The following RHOT1 variants were observed in gnomAD, a reference collection of about 807,000 sequenced individuals.
RHOT1 encodes mitochondrial Rho GTPase 1.
Under a neutral mutation model 95.3 loss-of-function variants are expected in RHOT1, and 27 were observed. The ratio of observed to expected loss-of-function variants is 0.28; its 90% CI spans 0.21 to 0.39. The LOEUF is 0.39. Among genes scored for constraint, RHOT1 ranks in the 10% least tolerant of loss-of-function variants. The pLI is 1.00. For synonymous variants in RHOT1, 227 were observed against 263.5 expected (o/e 0.86, Z 1.34); for missense variants, 578 against 786.7 (o/e 0.73, Z 3.17).
At chr17:32,164,124 AAAG>A (rs1418269171) in intron 1 of RHOT1, among the ~76,000 whole-genome samples, 1 of 152,202 alleles carries the variant, frequency 6.6e-6, no homozygotes, top group African/African-American at 2.4e-5. Context: ...CACTGCGCGA[AAAG>A]AATAGTGCCT....
At chr17:32,143,013 T>A (rs1165917821) in intron 1 of RHOT1, 7 of 690,856 alleles carry the variant, frequency 1.0e-5, no homozygotes, top group South Asian at 9.0e-5. Context: ...CTATTAGCCC[T>A]AACCGCCCGA....
At chr17:32,183,025 C>CT in intron 7 of RHOT1, 146 bp from the exon 8 acceptor site, 1 of 744,136 alleles carries the variant, frequency 1.3e-6, no homozygotes, top group Non-Finnish European at 2.1e-6. Flanking sequence ...CCTCTGAACT[C>CT]TTTCTAGACA....
chr17:32,174,387 G>GT (rs1313794567), intron 3 of RHOT1, among the ~76,000 whole-genome samples: 2 of 152,146 alleles, frequency 1.3e-5, no homozygotes, highest in Non-Finnish European at 2.9e-5. Flanking sequence ...AACTATGTAT[G>GT]TGGCTTGCAT....
intron 1 of RHOT1, among the ~76,000 whole-genome samples, chr17:32,155,408 C>T (rs558502509): frequency 6.6e-6 from 1 of 152,048 alleles, no homozygotes; most frequent in South Asian, 2.1e-4. Flanking sequence ...GATCTGCCAG[C>T]CTTGGCCTCC....
In RHOT1 at chr17:32,171,120, A is replaced by G. The variant is rs748929086; in HGVS notation, c.96+19A>G. Reference sequence around the variant, plus strand: ...AGAAGAGGTAAACATTTTGATTTCCATATTTAAATTTTAAAAAATTTATCA... The same window carrying G: ...AGAAGAGGTAAACATTTTGATTTCCGTATTTAAATTTTAAAAAATTTATCA... On this transcript the variant is annotated intron_variant, in intron 2 of 19. Coordinates refer to ENST00000545287, the MANE Select transcript of RHOT1 (RefSeq NM_001033566.3). The G allele has an allele frequency of 9.8e-6, 15 of 1,527,214 alleles. No individual in the cohort carries two copies. Among genetic ancestry groups the G allele is most frequent in the Admixed American group, 1.8e-5 (1 of 54,662 alleles). 94.6% of individuals were successfully genotyped at this position (1,527,214 alleles called of 1,614,324 possible).
intron 12 of RHOT1, 119 bp downstream of exon 12, chr17:32,199,150 C>T: frequency 7.1e-6 from 6 of 847,402 alleles, no homozygotes; most frequent in Non-Finnish European, 1.1e-5. Context: ...TGCTTAACCT[C>T]TCTAAGTTAA....
chr17:32,179,553 C>T (rs560785399), intron 6 of RHOT1: 26 of 140,358 alleles, frequency 1.9e-4, no homozygotes, highest in South Asian at 2.5e-4. Flanking sequence ...CGCCTCTGCC[C>T]GGCCGCCCAT....
intron 1 of RHOT1, among the ~76,000 whole-genome samples, chr17:32,161,053 A>G (rs1598312720): frequency 6.6e-6 from 1 of 152,232 alleles, no homozygotes. Flanking sequence ...TGCTACACAG[A>G]CAGACCAATT....
At chr17:32,188,082 T>G (rs974721839) in intron 8 of RHOT1, among the ~76,000 whole-genome samples, 1 of 152,260 alleles carries the variant, frequency 6.6e-6, no homozygotes, top group African/African-American at 2.4e-5. Context: ...CTCTTCTCAC[T>G]GCTGCTGAGT....
chr17:32,179,109 C>T (rs60851330), intron 6 of RHOT1: 4,444 of 145,924 alleles, frequency 0.03, 253 homozygotes, highest in African/African-American at 0.11. Flanking sequence ...TTGGCTGCCC[C>T]GTCTGGGAAA....
chr17:32,204,615 A>G (rs1302123020), intron 16 of RHOT1, among the ~76,000 whole-genome samples: 1 of 150,358 alleles, frequency 6.7e-6, no homozygotes, highest in East Asian at 1.9e-4. Flanking sequence ...TATAAATAAA[A>G]ATTCATCATT....
chr17:32,150,605 T>A, intron 1 of RHOT1: 1 of 1,587,492 alleles, frequency 6.3e-7, no homozygotes, highest in Non-Finnish European at 8.6e-7. Context: ...ACCTGGTACT[T>A]TGTGAGTGAG....
intron 16 of RHOT1, among the ~76,000 whole-genome samples, chr17:32,206,274 C>T (rs1466716724): frequency 6.0e-5 from 8 of 132,462 alleles, no homozygotes; most frequent in African/African-American, 2.0e-4. Flanking sequence ...GGCGTGATCT[C>T]GGCTCACTGT....
intron 3 of RHOT1, among the ~76,000 whole-genome samples, chr17:32,174,785 T>C (rs2034858647): frequency 6.6e-6 from 1 of 152,186 alleles, no homozygotes; most frequent in Non-Finnish European, 1.5e-5. Context: ...CCTGCATGCG[T>C]GGAATTGCAG....
chr17:32,158,641 G>T (rs2033215451), intron 1 of RHOT1, among the ~76,000 whole-genome samples: 1 of 152,004 alleles, frequency 6.6e-6, no homozygotes, highest in African/African-American at 2.4e-5. Context: ...TGTATTTTTA[G>T]TAGAGACGGG....
Position 32,193,021 on chromosome 17 carries a change from A to G in RHOT1, c.640-115A>G, listed in dbSNP as rs147697785. 1,739 of 650,110 alleles carry G rather than the reference A, an allele frequency of 2.7e-3. 29 individuals carry two copies. The African/African-American group carries it at 0.029, about 11-fold the overall frequency. The allele number at this position is 650,110 out of a possible 1,614,324, so 40.3% of individuals were successfully genotyped here. On this transcript the variant is annotated intron_variant, in intron 9 of 19. Transcript: ENST00000545287. ...GTGGTGACTATTCCTAATGTAGAATATGTTTCTTTGGTTGCAATTCATGGA... is the reference window on the plus strand; with the variant it reads ...GTGGTGACTATTCCTAATGTAGAATGTGTTTCTTTGGTTGCAATTCATGGA...
At chr17:32,214,313 G>C (rs1026142287) in intron 19 of RHOT1, among the ~76,000 whole-genome samples, 1 of 152,194 alleles carries the variant, frequency 6.6e-6, no homozygotes, top group Non-Finnish European at 1.5e-5. Context: ...CTGGCCGTTT[G>C]TTGTTGTACA....
At chr17:32,150,778 G>T in intron 1 of RHOT1, 3 of 1,579,506 alleles carry the variant, frequency 1.9e-6, no homozygotes, top group Non-Finnish European at 2.6e-6. Context: ...GAAGTCACTT[G>T]TGGGACTCTC....
intron 1 of RHOT1, chr17:32,143,073 C>T (rs990787102): frequency 4.7e-6 from 3 of 636,648 alleles, no homozygotes; most frequent in African/African-American, 3.6e-5. Context: ...GAACCCTGTC[C>T]TTCTGGGCCT....
Sources: allele counts gnomAD v4.1 joint callset (sites outside exome capture counted in the v4.1 genomes callset), GRCh38; gene constraint gnomAD v4.1.1; transcripts MANE v1.5; gene names NCBI Gene and HGNC (gene_info 2026-07-23, HGNC 2026-07-21).